Variants in GRP observed in about 807,000 individuals in gnomAD.
GRP encodes the protein gastrin releasing peptide.
A neutral mutation model predicts 12.7 loss-of-function variants in GRP; 11 were observed. The observed-to-expected ratio is 0.87, with a 90% CI of 0.55 to 1.44. The LOEUF (loss-of-function observed/expected upper bound fraction) is 1.44, where lower values mean the gene tolerates loss of function less well. Ranked by LOEUF, GRP falls within the 40% of genes most tolerant of loss-of-function variation. The pLI is 0.00. For missense variants in GRP, 212 were observed against 185.4 expected, an observed-to-expected ratio of 1.14 and a Z score of -0.83; for synonymous variants, 84 against 77.7, an observed-to-expected ratio of 1.08 and a Z score of -0.43.
intron 1 of GRP, among the ~76,000 whole-genome samples, chr18:59,222,121 G>A (rs1192667394): frequency 6.6e-6 from 1 of 152,142 alleles, no homozygotes. Flanking sequence ...TGAAAGTTCT[G>A]GATTCCCAAT....
At chr18:59,227,245 G>A (rs2069958563) in intron 2 of GRP, among the ~76,000 whole-genome samples, 1 of 151,498 alleles carries the variant, frequency 6.6e-6, no homozygotes, top group Non-Finnish European at 1.5e-5. Context: ...TAAGCACCTA[G>A]AGGGAAAGTC....
chr18:59,230,549 A>C lies in GRP; in HGVS notation c.*81A>C. ...CAAGCATCAGTTCTACGGATCATCA[A>C]CAAGATTTCCTTGTGCAAAATATTT... On this transcript the variant is annotated 3_prime_UTR_variant, in exon 3 of 3. Coordinates refer to ENST00000256857, the MANE Select transcript of GRP (RefSeq NM_002091.5). The C allele has an allele frequency of 2.5e-6, 2 of 811,412 alleles. No homozygotes were observed. Among genetic ancestry groups the C allele is most frequent in the South Asian group, 2.8e-5 (2 of 71,706 alleles). The allele number at this position is 811,412 out of a possible 1,614,324, so 50.3% of individuals were successfully genotyped here.
chr18:59,226,540 A>C (rs34973755), intron 2 of GRP, among the ~76,000 whole-genome samples: 16,201 of 152,226 alleles, frequency 0.11, 1,883 homozygotes, highest in African/African-American at 0.29. Flanking sequence ...ATGCTCACAG[A>C]AGTCTTAGAC....
intron 2 of GRP, among the ~76,000 whole-genome samples, chr18:59,227,599 TG>T (rs2069964307): frequency 6.6e-6 from 1 of 152,198 alleles, no homozygotes; most frequent in East Asian, 1.9e-4. Flanking sequence ...AAATAATTTT[TG>T]CAAACATTGA....
At chr18:59,223,040 G>A (rs939096369) in intron 1 of GRP, among the ~76,000 whole-genome samples, 2 of 152,108 alleles carry the variant, frequency 1.3e-5, no homozygotes, top group African/African-American at 4.8e-5. Context: ...ATTTAAGTGT[G>A]GGTCCAAAAA....
Position 59,220,223 on chromosome 18 carries a change from T to A in GRP, c.-43T>A. ...GGTCCGGGTCACCAGTCTCTGCTCT[T>A]CCCAGCCTCTCCGGCGCGCTCCAAG... On this transcript the variant is annotated 5_prime_UTR_variant, in exon 1 of 3. Coordinates refer to ENST00000256857, the MANE Select transcript of GRP (RefSeq NM_002091.5). 7.1e-7 allele frequency: 1 copy of A among 1,408,484 alleles called. No individual in the cohort carries two copies. Among genetic ancestry groups the A allele is most frequent in the Non-Finnish European group, 9.2e-7 (1 of 1,083,168 alleles). 87.2% of individuals were successfully genotyped at this position (1,408,484 alleles called of 1,614,324 possible).
chr18:59,227,028 T>TCTTTCTTTCTTTCTTTCTTTCTTCCTTC (rs2069945984), intron 2 of GRP, among the ~76,000 whole-genome samples: 1 of 145,030 alleles, frequency 6.9e-6, no homozygotes, highest in Non-Finnish European at 1.5e-5. Flanking sequence ...TTTCTTTCTT[T>TCTTTCTTTCTTTCTTTCTTTCTTCCTTC]CTTTCTTTCT....
At chr18:59,228,191 C>G (rs2069974911) in intron 2 of GRP, among the ~76,000 whole-genome samples, 1 of 152,164 alleles carries the variant, frequency 6.6e-6, no homozygotes, top group African/African-American at 2.4e-5. Context: ...TTTATTGCTT[C>G]TCTTGCACTG....
intron 1 of GRP, among the ~76,000 whole-genome samples, chr18:59,221,635 T>G (rs953400559): frequency 2.6e-5 from 4 of 151,566 alleles, no homozygotes; most frequent in African/African-American, 9.7e-5. Flanking sequence ...AGCCATCTAC[T>G]TAGAACGGGC....
At position 59,220,296 on chromosome 18, in the gene GRP, C is replaced by T; in HGVS notation, c.31C>T (p.Leu11=). MRGRELPLVL[L]ALVLCLAPRG... Reference sequence around the variant, plus strand: ...CGGCCGTGAGCTCCCGCTGGTCCTGCTGGCGCTGGTCCTCTGCCTGGCGCC... The same window carrying T: ...CGGCCGTGAGCTCCCGCTGGTCCTGTTGGCGCTGGTCCTCTGCCTGGCGCC... The change falls in exon 1 of 3, where the codon CTG becomes TTG. Residue 11 remains leucine (L), a synonymous_variant. Coordinates refer to ENST00000256857, the MANE Select transcript of GRP (RefSeq NM_002091.5). 6.6e-7 allele frequency: 1 copy of T among 1,505,998 alleles called. No individual in the cohort carries two copies. The highest frequency in any genetic ancestry group is 8.8e-7 in the Non-Finnish European group (1 of 1,131,564). 93.3% of individuals were successfully genotyped at this position (1,505,998 alleles called of 1,614,324 possible).
chr18:59,228,332 T>TG (rs1270214814), intron 2 of GRP, among the ~76,000 whole-genome samples: 1 of 152,226 alleles, frequency 6.6e-6, no homozygotes, highest in East Asian at 1.9e-4. Flanking sequence ...CTTAGAGTTA[T>TG]GGGAGTGTTA....
chr18:59,229,504 C>T (rs2069996892), intron 2 of GRP, among the ~76,000 whole-genome samples: 1 of 152,076 alleles, frequency 6.6e-6, no homozygotes. Context: ...AATTGGCATG[C>T]GTGGGAATCA....
At chr18:59,221,558 AGTGTGTATGTGT>A (rs2069834577) in intron 1 of GRP, among the ~76,000 whole-genome samples, 1 of 149,176 alleles carries the variant, frequency 6.7e-6, no homozygotes. Flanking sequence ...GAGATTTAAG[AGTGTGTATGTGT>A]GTGTGTCTCT....
At chr18:59,223,151 C>A (rs1271739933) in intron 1 of GRP, among the ~76,000 whole-genome samples, 1 of 152,124 alleles carries the variant, frequency 6.6e-6, no homozygotes, top group Non-Finnish European at 1.5e-5. Context: ...ATAAAAAGAA[C>A]AAAAGCTCTT....
Position 59,220,401 on chromosome 18 carries a change from G to A in GRP, c.136G>A (p.Val46Met). 1.5e-6 allele frequency: 2 copies of A among 1,372,006 alleles called. No homozygotes were observed. Among genetic ancestry groups the A allele is most frequent in the African/African-American group, 1.5e-5 (1 of 66,178 alleles). The allele number at this position is 1,372,006 out of a possible 1,614,324, so 85.0% of individuals were successfully genotyped here. Residue 46 changes from valine (V) to methionine (M), a missense_variant, in exon 1 of 3, where the codon GTG becomes ATG. Physicochemically the swap from Val to Met is conservative, Grantham distance 21. Coordinates refer to ENST00000256857, the MANE Select transcript of GRP (RefSeq NM_002091.5). ...GTACCCGCGCGGCAACCACTGGGCG[G>A]TGGGTGAGTGTCCTGGCCGCGGGAG... is the stretch of plus-strand genomic sequence containing the variant. ...KMYPRGNHWA[V>M]GHLMGKKSTG... is the part of the protein sequence containing the mutation.
intron 2 of GRP, among the ~76,000 whole-genome samples, chr18:59,227,053 CTT>C (rs2069949227): frequency 9.5e-6 from 1 of 104,880 alleles, no homozygotes; most frequent in African/African-American, 3.9e-5. Flanking sequence ...TTCTTTCTTT[CTT>C]CCTTTCTTTC....
chr18:59,230,251 A>C (rs936518813), intron 2 of GRP, among the ~76,000 whole-genome samples, 153 bp from the exon 3 acceptor site: 3 of 152,188 alleles, frequency 2.0e-5, no homozygotes, highest in Non-Finnish European at 4.4e-5. Context: ...CTCCGCCCCC[A>C]GAGTTTCTGA....
rs148328512 is a variant in GRP, at chr18:59,225,677, C to T, written c.325C>T (p.Pro109Ser). The T allele has an allele frequency of 2.4e-5, 38 of 1,613,922 alleles. No individual in the cohort carries two copies. The African/African-American group carries it at 4.7e-4, about 20-fold the overall frequency. ...ACCCAAGGCCCTGGGCAATCAGCAG[C>T]CTTCGTGGGATTCAGAGGATAGCAG... ...PQPKALGNQQ[P>S]SWDSEDSSNF... Residue 109 changes from proline (P) to serine (S), a missense_variant, in exon 2 of 3, where the codon CCT (proline) becomes TCT (serine). Physicochemically the swap from Pro to Ser is moderately conservative, Grantham distance 74. Transcript: ENST00000256857.
At chr18:59,224,823 G>A (rs1025883688) in intron 1 of GRP, among the ~76,000 whole-genome samples, 1 of 152,162 alleles carries the variant, frequency 6.6e-6, no homozygotes, top group East Asian at 1.9e-4. Context: ...CATTTATGCG[G>A]CTGTAAAGTG....
Sources: allele counts gnomAD v4.1 joint callset (sites outside exome capture counted in the v4.1 genomes callset), GRCh38; gene constraint gnomAD v4.1.1; transcripts MANE v1.5; gene names NCBI Gene and HGNC (gene_info 2026-07-23, HGNC 2026-07-21).